The following RBFOX1 variants were observed in gnomAD, a reference collection of about 807,000 sequenced individuals.
The protein encoded by RBFOX1 is RNA binding protein fox-1 homolog 1.
In RBFOX1, 8 loss-of-function variants were observed where a neutral mutation model predicts 57.7. The observed-to-expected ratio is 0.14, with a 90% CI of 0.08 to 0.25. The LOEUF (loss-of-function observed/expected upper bound fraction) is 0.25, where lower values mean the gene tolerates loss of function less well. Ranked by LOEUF, RBFOX1 falls within the 10% of genes least tolerant of loss-of-function variation. The pLI, the probability that RBFOX1 is intolerant of heterozygous loss-of-function variation, is 1.00. For synonymous variants in RBFOX1, 326 were observed against 222.4 expected (o/e 1.47, Z -4.15); for missense variants, 611 against 548.5 (o/e 1.11, Z -1.14).
chr16:6,602,995 C>G (rs997133651), intron 2 of RBFOX1, among the ~76,000 whole-genome samples: 1 of 151,932 alleles, frequency 6.6e-6, no homozygotes, highest in Non-Finnish European at 1.5e-5. Context: ...ATCAGTGCAC[C>G]CAAGGAAAAA....
At chr16:6,253,507 T>C (rs921813291) in intron 1 of RBFOX1, among the ~76,000 whole-genome samples, 4 of 152,136 alleles carry the variant, frequency 2.6e-5, no homozygotes, top group Non-Finnish European at 4.4e-5. Context: ...GGACCCAAAT[T>C]TGGTGACTCT....
At chr16:5,917,292 A>G (rs907394706) in intron 4 of RBFOX1, among the ~76,000 whole-genome samples, 4 of 152,194 alleles carry the variant, frequency 2.6e-5, no homozygotes, top group African/African-American at 9.6e-5. Flanking sequence ...TGATAATAAC[A>G]TAATGGAGAA....
intron 2 of RBFOX1, among the ~76,000 whole-genome samples, chr16:5,517,407 A>G (rs928177564): frequency 6.6e-6 from 1 of 152,206 alleles, no homozygotes; most frequent in African/African-American, 2.4e-5. Flanking sequence ...TGACTTTTCC[A>G]GATGGTAGCC....
intron 1 of RBFOX1, among the ~76,000 whole-genome samples, chr16:6,183,358 T>C (rs1426040833): frequency 1.3e-5 from 2 of 151,998 alleles, no homozygotes; most frequent in East Asian, 3.9e-4. Flanking sequence ...CATACTCCTG[T>C]AATCCCAGCT....
At chr16:7,506,363 G>A (rs966673657) in intron 4 of RBFOX1, among the ~76,000 whole-genome samples, 4 of 152,064 alleles carry the variant, frequency 2.6e-5, no homozygotes, top group Non-Finnish European at 4.4e-5. Flanking sequence ...AGTTGTGTGA[G>A]CATGAGCAAG....
chr16:7,098,996 C>G (rs1371176839), intron 4 of RBFOX1, among the ~76,000 whole-genome samples: 2 of 152,070 alleles, frequency 1.3e-5, no homozygotes, highest in African/African-American at 2.4e-5. Flanking sequence ...TGATGGCTGC[C>G]TCTTTTTGGT....
intron 3 of RBFOX1, among the ~76,000 whole-genome samples, chr16:5,665,427 C>A (rs937304137): frequency 8.4e-5 from 10 of 119,662 alleles, no homozygotes; most frequent in African/African-American, 2.1e-4. Context: ...CCTTATACCC[C>A]TTGTTCTCTG....
chr16:6,261,713 C>T (rs1020174622), intron 1 of RBFOX1, among the ~76,000 whole-genome samples: 1 of 152,124 alleles, frequency 6.6e-6, no homozygotes, highest in African/African-American at 2.4e-5. Context: ...AGGCTTTCTT[C>T]AGTCCAGGCA....
rs140083514 is a variant in RBFOX1, at chr16:5,872,092, G to A, written c.351+4757G>A. Among the ~76,000 whole-genome samples the A allele has an allele frequency of 6.9e-4, 105 of 152,258 alleles. 1 individual carries two copies. Among genetic ancestry groups the A allele is most frequent in the Admixed American group, 2.0e-3 (31 of 15,292 alleles). On this transcript the variant is annotated intron_variant, in intron 4 of 19. Coordinates refer to the RBFOX1 transcript ENST00000641259. ...TTCTCAGGAAAATAAATTGGGGGTTGCAGAGCCCATTAAAAATATTCTTAC... is the reference window on the plus strand; with the variant it reads ...TTCTCAGGAAAATAAATTGGGGGTTACAGAGCCCATTAAAAATATTCTTAC...
At chr16:6,829,186 C>T (rs919191728) in intron 3 of RBFOX1, among the ~76,000 whole-genome samples, 2 of 149,912 alleles carry the variant, frequency 1.3e-5, no homozygotes, top group Non-Finnish European at 3.0e-5. Flanking sequence ...AAAGAAATGT[C>T]AGATGTGTCA....
intron 1 of RBFOX1, among the ~76,000 whole-genome samples, chr16:6,269,227 A>C (rs2074918785): frequency 6.6e-6 from 1 of 152,182 alleles, no homozygotes; most frequent in African/African-American, 2.4e-5. Flanking sequence ...TGAATATGTA[A>C]GTAGTAAATA....
intron 2 of RBFOX1, among the ~76,000 whole-genome samples, chr16:6,486,079 A>C (rs72760961): frequency 8.0e-6 from 1 of 125,630 alleles, no homozygotes; most frequent in Non-Finnish European, 1.6e-5. Context: ...TCTCAGTAAA[A>C]GGCTTTTTTT....
chr16:6,886,428 A>G (rs2153358870), intron 3 of RBFOX1, among the ~76,000 whole-genome samples: 1 of 152,078 alleles, frequency 6.6e-6, no homozygotes, highest in East Asian at 2.0e-4. Context: ...TTGTCCCGCT[A>G]TTGATTGCAA....
At chr16:6,738,096 C>T (rs1387567225) in intron 3 of RBFOX1, among the ~76,000 whole-genome samples, 1 of 138,754 alleles carries the variant, frequency 7.2e-6, no homozygotes, top group African/African-American at 2.6e-5. Context: ...AAAAAAAAGT[C>T]AGGCATTTTC....
At chr16:5,406,891 T>G (rs564477130) in intron 1 of RBFOX1, among the ~76,000 whole-genome samples, 22 of 152,252 alleles carry the variant, frequency 1.4e-4, no homozygotes, top group South Asian at 8.3e-4. Context: ...GAGTACCTGG[T>G]GACAGCAGTG....
At chr16:6,431,965 T>G (rs1162132055) in intron 2 of RBFOX1, among the ~76,000 whole-genome samples, 1 of 131,790 alleles carries the variant, frequency 7.6e-6, no homozygotes, top group Non-Finnish European at 1.6e-5. Context: ...TTCTTTCTTT[T>G]TCTTTTTTGA....
chr16:6,635,997 A>G (rs2154065818), intron 2 of RBFOX1, among the ~76,000 whole-genome samples: 1 of 152,282 alleles, frequency 6.6e-6, no homozygotes, highest in East Asian at 1.9e-4. Context: ...TATGCACATC[A>G]TACACATAAC....
chr16:7,624,354 G>A (rs571023721), intron 10 of RBFOX1, among the ~76,000 whole-genome samples: 6 of 152,248 alleles, frequency 3.9e-5, no homozygotes, highest in East Asian at 3.9e-4. Flanking sequence ...AATTGTTCTC[G>A]AATAATTATA....
At chr16:6,816,917 T>G (rs1181323068) in intron 3 of RBFOX1, among the ~76,000 whole-genome samples, 37 of 151,988 alleles carry the variant, frequency 2.4e-4, no homozygotes, top group Admixed American at 2.4e-3. Context: ...GCTGTTTTTT[T>G]TGTATTTTTT....
Sources: gnomAD v4.1 joint callset for allele counts (sites outside exome capture counted in the v4.1 genomes callset) on GRCh38, gnomAD v4.1.1 for gene constraint, MANE v1.5 for transcripts, NCBI Gene and HGNC (gene_info 2026-07-23, HGNC 2026-07-21) for gene names.